Variants in NXPH3 observed in about 807,000 individuals in gnomAD.
NXPH3 encodes the protein neurexophilin-3.
Under a neutral mutation model 18.8 loss-of-function variants are expected in NXPH3, and 7 were observed. That is an observed-to-expected ratio of 0.37 (90% CI 0.21 to 0.70). The LOEUF (loss-of-function observed/expected upper bound fraction) is 0.70, where lower values mean the gene tolerates loss of function less well. NXPH3 is among the 30% of genes least tolerant of loss of function. NXPH3 has a pLI of 0.53. For missense variants in NXPH3, 282 were observed against 338.1 expected (o/e 0.83, Z 1.30); for synonymous variants, 101 against 137.3 (o/e 0.74, Z 1.85).
rs532333242 is a variant in NXPH3 at position 49,581,370 on chromosome 17, G to A, written c.*2070G>A. The stretch of plus-strand genomic sequence containing the variant: ...CACTCAGGGCCCTTTGGGCCCTCTT[G>A]AGGAGAGGAGAGTCCTGGCAGTAAG... On this transcript the variant is annotated 3_prime_UTR_variant, in exon 2 of 2. Transcript: ENST00000328741. The A allele has an allele frequency of 5.2e-6, 3 of 581,268 alleles. No individual in the cohort carries two copies. The African/African-American group carries it at 5.6e-5, about 11-fold the overall frequency. 36.0% of individuals were successfully genotyped at this position (581,268 alleles called of 1,614,324 possible). A position where few individuals can be genotyped will look rare whatever the true frequency, so the allele number is the denominator to read the frequency against.
At position 49,580,560 on chromosome 17, in the gene NXPH3, A is replaced by C. The variant is rs546246672; in HGVS notation, c.*1260A>C. ...TGATCCCCCACGAGGAAACTTGAGCAAACACCCTGGGCTCGGTGCTGGAGG... is the reference window on the plus strand; with the variant it reads ...TGATCCCCCACGAGGAAACTTGAGCCAACACCCTGGGCTCGGTGCTGGAGG... On this transcript the variant is annotated 3_prime_UTR_variant, in exon 2 of 2. Transcript: ENST00000328741. The C allele has an allele frequency of 2.0e-5, 3 of 152,378 alleles. No homozygotes were observed. Among genetic ancestry groups the C allele is most frequent in the South Asian group, 4.1e-4 (2 of 4,830 alleles). The allele number at this position is 152,378 out of a possible 1,614,324, so 9.4% of individuals were successfully genotyped here. A position where few individuals can be genotyped will look rare whatever the true frequency, so the allele number is the denominator to read the frequency against.
rs529964874 is a variant in NXPH3, at chr17:49,581,190, T to A, written c.*1890T>A. The A allele has an allele frequency of 4.4e-6, 1 of 228,958 alleles. No homozygotes were observed. The highest frequency in any genetic ancestry group is 5.1e-5 in the Admixed American group (1 of 19,678). 14.2% of individuals were successfully genotyped at this position (228,958 alleles called of 1,614,324 possible). ...ACAGGGCCTGCGTCAGTCACTCCCC[T>A]CCTGCAGCTAGTAAGAGGCCTCAGA... On this transcript the variant is annotated 3_prime_UTR_variant, in exon 2 of 2. Transcript: ENST00000328741.
In NXPH3 at chr17:49,578,770, G is replaced by A; in HGVS notation, c.229G>A (p.Gly77Ser). 4.3e-6 allele frequency: 7 copies of A among 1,613,696 alleles called. No homozygotes were observed. Among genetic ancestry groups the A allele is most frequent in the Non-Finnish European group, 5.9e-6 (7 of 1,179,962 alleles). The change falls in exon 2 of 2, where the codon GGC becomes AGC. Residue 77 changes from glycine (G) to serine (S), a missense_variant. Transcript: ENST00000328741. The surrounding 1 kb of genome is among the most constrained non-coding windows in gnomAD (Gnocchi z 4.5). ...GLLAPPGEAW[G>S]ILGQPPNRPN... Reference sequence around the variant, plus strand: ...GCTGGCCCCGCCTGGGGAGGCTTGGGGCATTCTTGGGCAGCCCCCCAACCG... The same window carrying A: ...GCTGGCCCCGCCTGGGGAGGCTTGGAGCATTCTTGGGCAGCCCCCCAACCG...
At position 49,583,156 on chromosome 17, in the gene NXPH3, AG is replaced by A. The variant is rs2143052242; in HGVS notation, c.*3857del. 6.6e-6 allele frequency: 1 copy of A among 152,522 alleles called. No individual in the cohort carries two copies. Among genetic ancestry groups the A allele is most frequent in the South Asian group, 2.1e-4 (1 of 4,832 alleles). The allele number at this position is 152,522 out of a possible 1,614,324, so 9.4% of individuals were successfully genotyped here. A position where few individuals can be genotyped will look rare whatever the true frequency, so the allele number is the denominator to read the frequency against. Reference sequence around the variant, plus strand: ...GGGTGACCAGGTGCTGGGATCATCGAGTGAGTATGTGCAGGAGGGATTGTAG... The same window carrying A: ...GGGTGACCAGGTGCTGGGATCATCGATGAGTATGTGCAGGAGGGATTGTAG... On this transcript the variant is annotated 3_prime_UTR_variant, in exon 2 of 2. Transcript: ENST00000328741.
rs577748439 is a variant in NXPH3, at chr17:49,578,460, C to T, written c.55-136C>T. 4 of 701,538 alleles carry T rather than the reference C, an allele frequency of 5.7e-6. No individual in the cohort carries two copies. The highest frequency in any genetic ancestry group is 9.6e-6 in the Non-Finnish European group (4 of 416,986). 43.5% of individuals were successfully genotyped at this position (701,538 alleles called of 1,614,324 possible). A position where few individuals can be genotyped will look rare whatever the true frequency, so the allele number is the denominator to read the frequency against. On this transcript the variant is annotated intron_variant, in intron 1 of 1. Coordinates refer to ENST00000328741, the MANE Select transcript of NXPH3 (RefSeq NM_007225.4). This position sits in a 1 kb window ranked among gnomAD's most constrained non-coding sequence, Gnocchi z 4.5. ...ACAAGCTAGAGTGTACACTTGCCCCCCAGCTTCAGTGGGCAAGACGCAGGA... is the reference window on the plus strand; with the variant it reads ...ACAAGCTAGAGTGTACACTTGCCCCTCAGCTTCAGTGGGCAAGACGCAGGA...
In NXPH3 at chr17:49,579,345, C is replaced by T. The variant is rs748259924; in HGVS notation, c.*45C>T. ...GCCAGGCCAGGGCTGGAAGGACAGGCCTGCCCATGCAGGAGACCATCTGGA... is the reference window on the plus strand; with the variant it reads ...GCCAGGCCAGGGCTGGAAGGACAGGTCTGCCCATGCAGGAGACCATCTGGA... On this transcript the variant is annotated 3_prime_UTR_variant, in exon 2 of 2. Transcript: ENST00000328741. This position sits in a 1 kb window ranked among gnomAD's most constrained non-coding sequence, Gnocchi z 6.0. 1.3e-6 allele frequency: 2 copies of T among 1,508,998 alleles called. No homozygotes were observed. The highest frequency in any genetic ancestry group is 2.3e-5 in the East Asian group (1 of 44,164). The allele number at this position is 1,508,998 out of a possible 1,614,324, so 93.5% of individuals were successfully genotyped here.
At chr17:49,576,881 G>C (rs2071574203) in intron 1 of NXPH3, among the ~76,000 whole-genome samples, 1 of 151,786 alleles carries the variant, frequency 6.6e-6, no homozygotes. Flanking sequence ...CCCAGAGCCC[G>C]CTCCCCGTGC....
At position 49,578,677 on chromosome 17, in the gene NXPH3, G is replaced by C; in HGVS notation, c.136G>C (p.Val46Leu). 1 of 1,612,414 alleles carries C rather than the reference G, an allele frequency of 6.2e-7. No individual in the cohort carries two copies. Among genetic ancestry groups the C allele is most frequent in the Non-Finnish European group, 8.5e-7 (1 of 1,179,604 alleles). ...CCACGAGGGCCAGCCCCGGCCCCGG[G>C]TGCCTCGGAAGCGGGGCCACATCTC... The part of the protein sequence containing the change: ...DDHEGQPRPR[V>L]PRKRGHISPK... The change falls in exon 2 of 2, where the codon GTG (valine) becomes CTG (leucine). Residue 46 changes from valine (V) to leucine (L), a missense_variant. Val to Leu is a conservative substitution (Grantham distance 32). Transcript: ENST00000328741. This position sits in a 1 kb window ranked among gnomAD's most constrained non-coding sequence, Gnocchi z 4.5.
At chr17:49,576,396 G>C in intron 1 of NXPH3, 123 bp downstream of exon 1, 1 of 1,135,592 alleles carries the variant, frequency 8.8e-7, no homozygotes, top group South Asian at 1.3e-5. Context: ...TGGCGGGGAA[G>C]ACTGGAGGCT....
In NXPH3 at chr17:49,579,066, C is replaced by T. The variant is rs1052590062; in HGVS notation, c.525C>T (p.Cys175=). The change falls in exon 2 of 2, where the codon TGC becomes TGT. Residue 175 remains cysteine, a synonymous_variant. Transcript: ENST00000328741. The surrounding 1 kb of genome is among the most constrained non-coding windows in gnomAD (Gnocchi z 6.0). ...CCAAGGCCTCCAAAATCTTCAACTG[C>T]CGGATGGAGTGGGAGAAGGTAGAAC... ...IEAKASKIFN[C]RMEWEKVERG... 5 of 1,614,014 alleles carry T rather than the reference C, an allele frequency of 3.1e-6. No individual in the cohort carries two copies. Among genetic ancestry groups the T allele is most frequent in the Non-Finnish European group, 4.2e-6 (5 of 1,180,056 alleles).
At position 49,579,313 on chromosome 17, in the gene NXPH3, C is replaced by A; in HGVS notation, c.*13C>A. 1 of 1,587,832 alleles carries A rather than the reference C, an allele frequency of 6.3e-7. No individual in the cohort carries two copies. The highest frequency in any genetic ancestry group is 1.1e-5 in the South Asian group (1 of 90,160). On this transcript the variant is annotated 3_prime_UTR_variant, in exon 2 of 2. Coordinates refer to ENST00000328741, the MANE Select transcript of NXPH3 (RefSeq NM_007225.4). The surrounding 1 kb of genome is among the most constrained non-coding windows in gnomAD (Gnocchi z 6.0). ...CCCATCTGGGTGACCCGGGGCAGGC[C>A]ACAGAGGCCAGGCCAGGGCTGGAAG...
intron 1 of NXPH3, 31 bp downstream of exon 1, chr17:49,576,304 G>A (rs978736319): frequency 6.4e-7 from 1 of 1,556,080 alleles, no homozygotes; most frequent in Non-Finnish European, 8.7e-7. Flanking sequence ...TGCGCAGAGG[G>A]GCGGGGGCCC....
chr17:49,581,736 A>G lies in NXPH3; in HGVS notation c.*2436A>G. 1.4e-6 allele frequency: 1 copy of G among 702,474 alleles called. No homozygotes were observed. The highest frequency in any genetic ancestry group is 2.0e-5 in the Admixed American group (1 of 49,998). 43.5% of individuals were successfully genotyped at this position (702,474 alleles called of 1,614,324 possible). A position where few individuals can be genotyped will look rare whatever the true frequency, so the allele number is the denominator to read the frequency against. ...GTGGAGACTGCAGGAAGGAGGAGGA[A>G]GCAATGGGGCCAGAGGCCCTGGGCG... On this transcript the variant is annotated 3_prime_UTR_variant, in exon 2 of 2. Coordinates refer to ENST00000328741, the MANE Select transcript of NXPH3 (RefSeq NM_007225.4).
At chr17:49,577,384 C>T (rs1191215864) in intron 1 of NXPH3, among the ~76,000 whole-genome samples, 2 of 152,094 alleles carry the variant, frequency 1.3e-5, no homozygotes, top group Non-Finnish European at 2.9e-5. Context: ...AATCCAGATG[C>T]CCCCCGGTGC....
Position 49,581,346 on chromosome 17 carries a change from A to G in NXPH3, c.*2046A>G, listed in dbSNP as rs1387776155. ...AAGTCGGCTCTCTTGGGAGGGCAGC[A>G]CTCAGGGCCCTTTGGGCCCTCTTGA... On this transcript the variant is annotated 3_prime_UTR_variant, in exon 2 of 2. Coordinates refer to ENST00000328741, the MANE Select transcript of NXPH3 (RefSeq NM_007225.4). 11 of 549,222 alleles carry G rather than the reference A, an allele frequency of 2.0e-5. No individual in the cohort carries two copies. The highest frequency in any genetic ancestry group is 2.6e-5 in the Non-Finnish European group (8 of 313,190). 34.0% of individuals were successfully genotyped at this position (549,222 alleles called of 1,614,324 possible). A position where few individuals can be genotyped will look rare whatever the true frequency, so the allele number is the denominator to read the frequency against.
In NXPH3 at chr17:49,583,254, G is replaced by A. The variant is rs2143052423; in HGVS notation, c.*3954G>A. On this transcript the variant is annotated 3_prime_UTR_variant, in exon 2 of 2. Transcript: ENST00000328741. ...ATCGCTGGGAGTGGGAGACAGAAAT[G>A]TTACTTCCAAAGATTCCGAGTCCTG... 1 of 152,544 alleles carries A rather than the reference G, an allele frequency of 6.6e-6. No homozygotes were observed. The highest frequency in any genetic ancestry group is 1.9e-4 in the East Asian group (1 of 5,190). The allele number at this position is 152,544 out of a possible 1,614,324, so 9.4% of individuals were successfully genotyped here. A position where few individuals can be genotyped will look rare whatever the true frequency, so the allele number is the denominator to read the frequency against.
chr17:49,581,621 C>T lies in NXPH3; in HGVS notation c.*2321C>T, dbSNP rs945855920. The T allele has an allele frequency of 1.6e-5, 11 of 702,308 alleles. No homozygotes were observed. The highest frequency in any genetic ancestry group is 2.3e-4 in the Middle Eastern group (1 of 4,390). The allele number at this position is 702,308 out of a possible 1,614,324, so 43.5% of individuals were successfully genotyped here. On this transcript the variant is annotated 3_prime_UTR_variant, in exon 2 of 2. Coordinates refer to ENST00000328741, the MANE Select transcript of NXPH3 (RefSeq NM_007225.4). ...CACACCCCTCCTCCAGACCACCCTC[C>T]GCTCCCCACCCTGGAGGCTTGAGAC...
At position 49,578,479 on chromosome 17, in the gene NXPH3, C is replaced by T. The variant is rs1172523702; in HGVS notation, c.55-117C>T. On this transcript the variant is annotated intron_variant, in intron 1 of 1. Coordinates refer to ENST00000328741, the MANE Select transcript of NXPH3 (RefSeq NM_007225.4). This position sits in a 1 kb window ranked among gnomAD's most constrained non-coding sequence, Gnocchi z 4.5. ...TGCCCCCCAGCTTCAGTGGGCAAGA[C>T]GCAGGAGCTCCTCACCCAGGTCAGA... 8.8e-6 allele frequency: 7 copies of T among 793,760 alleles called. No individual in the cohort carries two copies. The highest frequency in any genetic ancestry group is 2.5e-5 in the East Asian group (1 of 40,422). The allele number at this position is 793,760 out of a possible 1,614,324, so 49.2% of individuals were successfully genotyped here. A position where few individuals can be genotyped will look rare whatever the true frequency, so the allele number is the denominator to read the frequency against.
chr17:49,578,599 A>T lies in NXPH3; in HGVS notation c.58A>T (p.Ile20Phe). The T allele has an allele frequency of 6.4e-7, 1 of 1,553,216 alleles. No individual in the cohort carries two copies. The highest frequency in any genetic ancestry group is 1.2e-5 in the South Asian group (1 of 80,342). The change falls in exon 2 of 2, where the codon ATC becomes TTC. Residue 20 changes from isoleucine to phenylalanine, a missense_variant. By Grantham distance (21) the Ile-to-Phe change is conservative. Coordinates refer to ENST00000328741, the MANE Select transcript of NXPH3 (RefSeq NM_007225.4). This position sits in a 1 kb window ranked among gnomAD's most constrained non-coding sequence, Gnocchi z 4.5. ...GTACTCACAACTCCCTCCATAGGTC[A>T]TCTGTGGCCAGGATGATGGTCCTCC... is the stretch of plus-strand genomic sequence containing the variant. ...FLVQGSLYLVICGQDDGPPGS... is the reference protein window; with the variant it reads ...FLVQGSLYLVFCGQDDGPPGS...
Sources: allele counts gnomAD v4.1 joint callset (sites outside exome capture counted in the v4.1 genomes callset), GRCh38; gene constraint gnomAD v4.1.1; non-coding constraint Gnocchi (gnomAD v3.1); transcripts MANE v1.5; gene names NCBI Gene and HGNC (gene_info 2026-07-23, HGNC 2026-07-21).